Variants in CCDC91 observed in about 807,000 individuals in gnomAD.
The protein encoded by CCDC91 is coiled-coil domain-containing protein 91.
Under a neutral mutation model 63.2 loss-of-function variants are expected in CCDC91, and 48 were observed. The observed-to-expected ratio is 0.76, with a 90% CI of 0.60 to 0.97. The LOEUF (loss-of-function observed/expected upper bound fraction) is 0.97. CCDC91 is among the 50% of genes least tolerant of loss of function. The pLI, the probability that CCDC91 is intolerant of heterozygous loss-of-function variation, is 0.00. For synonymous variants in CCDC91, 167 were observed against 165.8 expected (o/e 1.01, Z -0.06); for missense variants, 500 against 494.6 (o/e 1.01, Z -0.10).
At chr12:28,210,887 A>G (rs1200625539) in intron 1 of CCDC91, among the ~76,000 whole-genome samples, 1 of 151,940 alleles carries the variant, frequency 6.6e-6, no homozygotes, top group Admixed American at 6.6e-5. Context: ...AAATAGTTAC[A>G]AAGTCAAGCT....
chr12:28,262,478 G>A (rs1946890335), intron 3 of CCDC91, among the ~76,000 whole-genome samples: 2 of 152,106 alleles, frequency 1.3e-5, no homozygotes, highest in Middle Eastern at 3.4e-3. Context: ...AGTAGGTGGA[G>A]GAGGATTTCA....
At position 28,209,777 on chromosome 12, in the gene CCDC91, T is replaced by C. The variant is rs182840740; in HGVS notation, c.-15+19136T>C. The stretch of plus-strand genomic sequence containing the variant: ...CACAACTTGTTTAAAACTTTAGCTT[T>C]ATCTAATTTTAAACAATCCTTTAAC... On this transcript the variant is annotated intron_variant, in intron 1 of 12. Transcript: ENST00000536442. Among the ~76,000 whole-genome samples, 21 of 152,278 alleles carry C rather than the reference T, an allele frequency of 1.4e-4. No homozygotes were observed. The East Asian group carries it at 3.5e-3, about 25-fold the overall frequency.
chr12:28,254,885 C>T (rs1159319359), intron 1 of CCDC91, among the ~76,000 whole-genome samples: 1 of 151,458 alleles, frequency 6.6e-6, no homozygotes, highest in Non-Finnish European at 1.5e-5. Flanking sequence ...GATTCTTCTA[C>T]CTCAGCCCCA....
At chr12:28,481,171 C>T (rs2140886926) in intron 11 of CCDC91, among the ~76,000 whole-genome samples, 2 of 151,984 alleles carry the variant, frequency 1.3e-5, no homozygotes, top group East Asian at 3.9e-4. Context: ...TAGATAAAAA[C>T]ATTCCAATAT....
At chr12:28,412,470 C>A (rs187632501) in intron 8 of CCDC91, among the ~76,000 whole-genome samples, 3 of 152,098 alleles carry the variant, frequency 2.0e-5, no homozygotes, top group Non-Finnish European at 4.4e-5. Flanking sequence ...TCATCTCTTC[C>A]CCATCTTTCA....
At chr12:28,522,729 CT>C (rs1449158881) in intron 12 of CCDC91, among the ~76,000 whole-genome samples, 1 of 152,196 alleles carries the variant, frequency 6.6e-6, no homozygotes, top group Non-Finnish European at 1.5e-5. Context: ...AAATTTCCAT[CT>C]ACACACTGCT....
intron 11 of CCDC91, among the ~76,000 whole-genome samples, chr12:28,460,830 C>G (rs1950271948): frequency 6.6e-6 from 1 of 151,440 alleles, no homozygotes; most frequent in African/African-American, 2.4e-5. Flanking sequence ...TATTTTTTAA[C>G]TTAGCTGGAG....
chr12:28,341,083 T>C (rs1161115206), intron 6 of CCDC91, among the ~76,000 whole-genome samples: 2 of 152,198 alleles, frequency 1.3e-5, no homozygotes, highest in African/African-American at 4.8e-5. Flanking sequence ...TGCCAGTCGA[T>C]GGTCTGCTGC....
At chr12:28,224,502 T>G (rs888311302) in intron 1 of CCDC91, among the ~76,000 whole-genome samples, 5 of 152,164 alleles carry the variant, frequency 3.3e-5, no homozygotes, top group Admixed American at 1.3e-4. Flanking sequence ...TGTTTGTGAT[T>G]CCAGCTTTTT....
chr12:28,494,666 A>G (rs75271630), intron 12 of CCDC91, among the ~76,000 whole-genome samples: 2,301 of 151,868 alleles, frequency 0.015, 67 homozygotes, highest in African/African-American at 0.053. Context: ...ATTGTAGTAC[A>G]GAGCCAAATA....
intron 3 of CCDC91, among the ~76,000 whole-genome samples, chr12:28,282,078 A>T (rs1242592716): frequency 1.3e-5 from 2 of 152,204 alleles, no homozygotes; most frequent in African/African-American, 4.8e-5. Flanking sequence ...GACAAAAAGG[A>T]TAACTAAAAG....
At chr12:28,264,264 A>G (rs1186073565) in intron 3 of CCDC91, among the ~76,000 whole-genome samples, 1 of 151,520 alleles carries the variant, frequency 6.6e-6, no homozygotes, top group African/African-American at 2.4e-5. Context: ...ACTTTTCTAA[A>G]CATTTGTTTC....
At chr12:28,345,737 T>C (rs1453236787) in intron 6 of CCDC91, among the ~76,000 whole-genome samples, 1 of 152,128 alleles carries the variant, frequency 6.6e-6, no homozygotes, top group African/African-American at 2.4e-5. Flanking sequence ...ATGACCATGT[T>C]TTTAAATAAC....
At chr12:28,351,441 C>T (rs1943172087) in intron 6 of CCDC91, among the ~76,000 whole-genome samples, 1 of 152,220 alleles carries the variant, frequency 6.6e-6, no homozygotes, top group Non-Finnish European at 1.5e-5. Flanking sequence ...AAGCCCATGA[C>T]TACAGTTTGG....
chr12:28,470,493 T>C (rs1341392962), intron 11 of CCDC91, among the ~76,000 whole-genome samples: 1 of 152,142 alleles, frequency 6.6e-6, no homozygotes, highest in Non-Finnish European at 1.5e-5. Context: ...GGTGGGAATG[T>C]AAATTAGTAC....
At chr12:28,410,531 T>A (rs1432039579) in intron 8 of CCDC91, among the ~76,000 whole-genome samples, 1 of 152,168 alleles carries the variant, frequency 6.6e-6, no homozygotes, top group African/African-American at 2.4e-5. Flanking sequence ...TTTGTTTGTT[T>A]GTTTTTTTGA....
Position 28,408,637 on chromosome 12 carries a change from ATTTT to A in CCDC91, c.762+17230_762+17233del, listed in dbSNP as rs926602855. ...TACTTTGCTCACTTTTTGATGGTTT[ATTTT>A]TTTATTTTTTTATTTTTTTGAGGCA... On this transcript the variant is annotated intron_variant, in intron 8 of 12. Transcript: ENST00000536442. Among the ~76,000 whole-genome samples the A allele has an allele frequency of 7.9e-5, 12 of 151,664 alleles. No homozygotes were observed. In the East Asian group the frequency reaches 2.3e-3, roughly 30 times the overall value.
At chr12:28,355,280 A>T (rs1397297074) in intron 6 of CCDC91, among the ~76,000 whole-genome samples, 2 of 152,164 alleles carry the variant, frequency 1.3e-5, no homozygotes, top group Non-Finnish European at 2.9e-5. Flanking sequence ...GCACTTGATA[A>T]GGTGACATTG....
chr12:28,394,498 A>C (rs1305780159), intron 8 of CCDC91, among the ~76,000 whole-genome samples: 1 of 152,062 alleles, frequency 6.6e-6, no homozygotes, highest in African/African-American at 2.4e-5. Flanking sequence ...CAAAGATTAA[A>C]GGGAGATTTG....
Sources: allele counts gnomAD v4.1 joint callset (sites outside exome capture counted in the v4.1 genomes callset), GRCh38; gene constraint gnomAD v4.1.1; transcripts MANE v1.5; gene names NCBI Gene and HGNC (gene_info 2026-07-23, HGNC 2026-07-21).